Variants in CACNA2D3 observed in about 807,000 individuals in gnomAD.
The protein encoded by CACNA2D3 is voltage-dependent calcium channel subunit alpha-2/delta-3.
Under a neutral mutation model 160.6 loss-of-function variants are expected in CACNA2D3, and 60 were observed. The ratio of observed to expected loss-of-function variants is 0.37; its 90% CI spans 0.30 to 0.46. CACNA2D3 has a LOEUF of 0.46. Among genes scored for constraint, CACNA2D3 ranks in the 20% least tolerant of loss-of-function variants. The pLI is 1.00. For missense variants in CACNA2D3, 1,205 were observed against 1,365.0 expected, an observed-to-expected ratio of 0.88 and a Z score of 1.85; for synonymous variants, 558 against 492.9, an observed-to-expected ratio of 1.13 and a Z score of -1.75.
At chr3:54,523,824 T>A (rs1222776424) in intron 5 of CACNA2D3, among the ~76,000 whole-genome samples, 1 of 152,092 alleles carries the variant, frequency 6.6e-6, no homozygotes, top group African/African-American at 2.4e-5. Flanking sequence ...TATAATCCTT[T>A]TATTTCTGTA....
intron 2 of CACNA2D3, among the ~76,000 whole-genome samples, chr3:54,184,542 C>T (rs183537243): frequency 1.2e-3 from 179 of 152,322 alleles, no homozygotes; most frequent in Non-Finnish European, 2.0e-3. Flanking sequence ...TCCCCAATCC[C>T]CAGAGCATAC....
intron 2 of CACNA2D3, among the ~76,000 whole-genome samples, chr3:54,319,446 C>A (rs1703941452): frequency 6.6e-6 from 1 of 152,070 alleles, no homozygotes; most frequent in South Asian, 2.1e-4. Context: ...TCAGAGTTTC[C>A]CCACAAATAA....
chr3:54,763,814 T>TATATACGTAC (rs1559573800), intron 12 of CACNA2D3, among the ~76,000 whole-genome samples: 1 of 5,210 alleles, frequency 1.9e-4, no homozygotes, highest in African/African-American at 3.7e-4. Flanking sequence ...TATATATACA[T>TATATACGTAC]ATATATATAC....
At chr3:54,139,310 G>T (rs1191186255) in intron 2 of CACNA2D3, among the ~76,000 whole-genome samples, 2 of 152,246 alleles carry the variant, frequency 1.3e-5, no homozygotes, top group African/African-American at 4.8e-5. Flanking sequence ...GTGGAGGGAG[G>T]CATGCACGGG....
intron 3 of CACNA2D3, among the ~76,000 whole-genome samples, chr3:54,330,210 ATGTGTGTGTGTGTGTGTGTG>A (rs10591706): frequency 6.1e-5 from 9 of 146,596 alleles, no homozygotes; most frequent in African/African-American, 7.6e-5. Flanking sequence ...TTTAATTGAT[ATGTGTGTGTGTGTGTGTGTG>A]TGTGTGTGTG....
chr3:54,139,523 G>A (rs1052620288), intron 2 of CACNA2D3, among the ~76,000 whole-genome samples: 26 of 152,314 alleles, frequency 1.7e-4, no homozygotes, highest in African/African-American at 3.4e-4. Flanking sequence ...CCCTTGTACC[G>A]CAGCCTCATT....
intron 2 of CACNA2D3, among the ~76,000 whole-genome samples, chr3:54,270,287 C>G (rs1284707013): frequency 6.6e-6 from 1 of 152,174 alleles, no homozygotes; most frequent in African/African-American, 2.4e-5. Flanking sequence ...TTAGCTTTGG[C>G]TATTGTTTTA....
chr3:54,872,751 C>G (rs1699566124), intron 18 of CACNA2D3, among the ~76,000 whole-genome samples: 1 of 152,208 alleles, frequency 6.6e-6, no homozygotes, highest in South Asian at 2.1e-4. Flanking sequence ...TGCTCTAAGT[C>G]TACTTAAACC....
chr3:54,854,195 A>G (rs986879289), intron 17 of CACNA2D3, among the ~76,000 whole-genome samples: 1 of 152,206 alleles, frequency 6.6e-6, no homozygotes, highest in Non-Finnish European at 1.5e-5. Context: ...GAGAAAAAAT[A>G]AACAAGACTG....
chr3:54,123,153 CTT>C (rs1273108029), intron 1 of CACNA2D3, among the ~76,000 whole-genome samples: 1 of 122,428 alleles, frequency 8.2e-6, no homozygotes, highest in Non-Finnish European at 1.8e-5. Flanking sequence ...CGCCCCACTT[CTT>C]TTTTTGGGGG....
intron 5 of CACNA2D3, among the ~76,000 whole-genome samples, chr3:54,539,386 A>G (rs1701935489): frequency 6.6e-6 from 1 of 152,192 alleles, no homozygotes; most frequent in Non-Finnish European, 1.5e-5. Context: ...TCTTATTCAA[A>G]TGCAGCCTAG....
In CACNA2D3 at chr3:54,812,043, A is replaced by G. The variant is rs76186353; in HGVS notation, c.1381-4810A>G. On this transcript the variant is annotated intron_variant, in intron 13 of 37. Transcript: ENST00000474759. The stretch of plus-strand genomic sequence containing the variant: ...TCACCTGTCATTACTGCTGTCTTCA[A>G]TATCCTAGTGCATGGCTGTTAGCCT... Among the ~76,000 whole-genome samples the G allele has an allele frequency of 5.1e-3, 783 of 152,330 alleles. 8 individuals carry two copies. Among genetic ancestry groups the G allele is most frequent in the African/African-American group, 0.016 (685 of 41,590 alleles).
chr3:54,464,395 G>C (rs1353585172), intron 4 of CACNA2D3, among the ~76,000 whole-genome samples: 1 of 152,236 alleles, frequency 6.6e-6, no homozygotes, highest in Non-Finnish European at 1.5e-5. Flanking sequence ...TACAGAGGCA[G>C]GCAGGCCTCC....
At chr3:54,868,072 C>T (rs971569756) in intron 17 of CACNA2D3, among the ~76,000 whole-genome samples, 1 of 152,146 alleles carries the variant, frequency 6.6e-6, no homozygotes, top group African/African-American at 2.4e-5. Flanking sequence ...ACTCTCTGGC[C>T]TTTTAATGTA....
chr3:54,822,787 T>TTTCTTTCTTTCCTTCC (rs1553874250), intron 14 of CACNA2D3, among the ~76,000 whole-genome samples: 2 of 70,650 alleles, frequency 2.8e-5, no homozygotes, highest in African/African-American at 1.1e-4. Context: ...TCTTTCTTTC[T>TTTCTTTCTTTCCTTCC]TTCCTTTCTT....
chr3:54,501,258 G>A (rs1325844503), intron 4 of CACNA2D3, among the ~76,000 whole-genome samples: 1 of 151,958 alleles, frequency 6.6e-6, no homozygotes, highest in Non-Finnish European at 1.5e-5. Flanking sequence ...TCCTCCCTCC[G>A]GTTTCTTATA....
At chr3:54,738,301 A>C (rs1395744539) in intron 11 of CACNA2D3, among the ~76,000 whole-genome samples, 1 of 152,168 alleles carries the variant, frequency 6.6e-6, no homozygotes, top group Non-Finnish European at 1.5e-5. Flanking sequence ...ACATGTCCTC[A>C]AACTTACTCT....
At chr3:54,998,427 C>A (rs796514673) in intron 31 of CACNA2D3, among the ~76,000 whole-genome samples, 11 of 152,300 alleles carry the variant, frequency 7.2e-5, no homozygotes, top group African/African-American at 2.6e-4. Context: ...AGCCACCACA[C>A]CTGGCCTTTA....
At chr3:54,213,666 G>A (rs767741046) in intron 2 of CACNA2D3, among the ~76,000 whole-genome samples, 4 of 152,162 alleles carry the variant, frequency 2.6e-5, no homozygotes, top group Non-Finnish European at 4.4e-5. Context: ...GGACCCACTG[G>A]TCTCATTTGA....
Sources: gnomAD v4.1 joint callset for allele counts (sites outside exome capture counted in the v4.1 genomes callset) on GRCh38, gnomAD v4.1.1 for gene constraint, MANE v1.5 for transcripts, NCBI Gene and HGNC (gene_info 2026-07-23, HGNC 2026-07-21) for gene names.